Variants in RYR3 observed in about 807,000 individuals in gnomAD.
RYR3 encodes the protein brain ryanodine receptor-calcium release channel.
RYR3 carries 207 observed loss-of-function variants against 584.3 expected under a neutral mutation model. The observed-to-expected ratio is 0.35, with a 90% CI of 0.32 to 0.40. The LOEUF (loss-of-function observed/expected upper bound fraction) is 0.40. Ranked by LOEUF, RYR3 falls within the 10% of genes least tolerant of loss-of-function variation. RYR3 has a pLI of 1.00. For synonymous variants in RYR3, 2,416 were observed against 2,248.5 expected (o/e 1.07, Z -2.11); for missense variants, 5,616 against 6,089.2 (o/e 0.92, Z 2.59).
Position 33,859,577 on chromosome 15 carries a change from T to C in RYR3, c.14145T>C (p.Cys4715=), listed in dbSNP as rs781729201. ...TCCCCCTTATTTTTCTTCTCTAGTG[T>C]TACCTTTTCCACATGTACGTGGGAG... ...PDMKCDDMMT[C]YLFHMYVGVR... Residue 4715 remains cysteine, a splice_region_variant and synonymous_variant, in exon 100 of 104, where the codon TGT becomes TGC. Transcript: ENST00000634891. 6.2e-7 allele frequency: 1 copy of C among 1,613,982 alleles called. No homozygotes were observed. The highest frequency in any genetic ancestry group is 8.5e-7 in the Non-Finnish European group (1 of 1,179,884).
chr15:33,794,323 T>TAAAAATG (rs2075435479), intron 67 of RYR3, among the ~76,000 whole-genome samples: 19 of 85,546 alleles, frequency 2.2e-4, no homozygotes, highest in Non-Finnish European at 3.8e-4. Flanking sequence ...ATATATATAT[T>TAAAAATG]TTTATATATG....
At chr15:33,749,367 C>T (rs1324547432) in intron 55 of RYR3, among the ~76,000 whole-genome samples, 2 of 152,194 alleles carry the variant, frequency 1.3e-5, no homozygotes, top group African/African-American at 2.4e-5. Context: ...TGCTCCCCTC[C>T]TGTACACACT....
chr15:33,647,988 C>CAAAAAAAAA (rs3085194), intron 30 of RYR3, among the ~76,000 whole-genome samples: 7 of 98,332 alleles, frequency 7.1e-5, no homozygotes, highest in South Asian at 4.3e-4. Flanking sequence ...TAGCATCTGG[C>CAAAAAAAAA]AAAAAAAAAA....
At position 33,462,944 on chromosome 15, in the gene RYR3, G is replaced by C. The variant is rs140926965; in HGVS notation, c.52-10475G>C. The stretch of plus-strand genomic sequence containing the variant: ...ACCTGTAATCCTAGCACTTTGGGAG[G>C]CTGATTGCTTGAGCCCAGAAGTTTG... On this transcript the variant is annotated intron_variant, in intron 1 of 103. Coordinates refer to ENST00000634891, the MANE Select transcript of RYR3 (RefSeq NM_001036.6). Among the ~76,000 whole-genome samples, 5 of 152,186 alleles carry C rather than the reference G, an allele frequency of 3.3e-5. No homozygotes were observed. In the East Asian group the frequency reaches 7.7e-4, roughly 24 times the overall value.
intron 85 of RYR3, among the ~76,000 whole-genome samples, chr15:33,830,481 T>C (rs969757832): frequency 6.6e-6 from 1 of 152,370 alleles, no homozygotes; most frequent in African/African-American, 2.4e-5. Flanking sequence ...ATAACTTTGA[T>C]GTACGCTGAG....
chr15:33,339,888 C>A (rs372222399), intron 1 of RYR3, among the ~76,000 whole-genome samples: 120 of 135,420 alleles, frequency 8.9e-4, no homozygotes, highest in Admixed American at 1.0e-3. Flanking sequence ...GACTCCGTCT[C>A]AAAAAAAAAA....
chr15:33,446,277 T>C (rs141465968), intron 1 of RYR3, among the ~76,000 whole-genome samples: 158 of 152,360 alleles, frequency 1.0e-3, no homozygotes, highest in African/African-American at 3.5e-3. Context: ...TTAGGACAAC[T>C]GAGCTCTTCC....
At chr15:33,756,862 C>T (rs1940901203) in intron 59 of RYR3, among the ~76,000 whole-genome samples, 1 of 152,150 alleles carries the variant, frequency 6.6e-6, no homozygotes, top group South Asian at 2.1e-4. Context: ...CCTTGAATGC[C>T]AAGGAAAAGT....
At chr15:33,337,748 C>A (rs1278045491) in intron 1 of RYR3, among the ~76,000 whole-genome samples, 1 of 152,104 alleles carries the variant, frequency 6.6e-6, no homozygotes, top group African/African-American at 2.4e-5. Context: ...TGTGACCCAG[C>A]AATTCCTCCC....
chr15:33,840,512 G>C (rs4779651), intron 89 of RYR3: 198,259 of 345,270 alleles, frequency 0.57, 58,810 homozygotes, highest in African/African-American at 0.74. Flanking sequence ...TGTGTCCCAT[G>C]TCTTTCTGAC....
At chr15:33,840,286 G>C (rs899267157) in intron 89 of RYR3, among the ~76,000 whole-genome samples, 3 of 152,206 alleles carry the variant, frequency 2.0e-5, no homozygotes, top group Admixed American at 6.5e-5. Context: ...GGAAGTCTGC[G>C]TGTTTGGGTG....
Position 33,853,701 on chromosome 15 carries a change from T to G in RYR3, c.13799+19T>G, listed in dbSNP as rs746334301. 6 of 1,607,046 alleles carry G rather than the reference T, an allele frequency of 3.7e-6. No individual in the cohort carries two copies. Among genetic ancestry groups the G allele is most frequent in the East Asian group, 2.2e-5 (1 of 44,804 alleles). On this transcript the variant is annotated intron_variant, in intron 96 of 103. Coordinates refer to ENST00000634891, the MANE Select transcript of RYR3 (RefSeq NM_001036.6). The stretch of plus-strand genomic sequence containing the variant: ...TGTCATGGTACAAAAAGCTTAGGAG[T>G]TCAAATCCAAAGCAGCTAAAATAGA...
intron 2 of RYR3, among the ~76,000 whole-genome samples, chr15:33,478,288 A>G (rs2049614558): frequency 6.6e-6 from 1 of 152,136 alleles, no homozygotes; most frequent in Non-Finnish European, 1.5e-5. Context: ...CTGGATTTCC[A>G]ATCCCCAGAT....
rs115431466 is a variant in RYR3 at position 33,781,728 on chromosome 15, A to G, written c.9268+1387A>G. On this transcript the variant is annotated intron_variant, in intron 65 of 103. Coordinates refer to ENST00000634891, the MANE Select transcript of RYR3 (RefSeq NM_001036.6). ...AGTGGAGACTAGTGTTCTCAGAGGT[A>G]GTCAAGAGAAACATTGCCAAGATGC... is the stretch of plus-strand genomic sequence containing the variant. Among the ~76,000 whole-genome samples the G allele has an allele frequency of 9.5e-3, 1,445 of 152,138 alleles. 25 individuals carry two copies. The highest frequency in any genetic ancestry group is 0.033 in the African/African-American group (1,355 of 41,524).
At chr15:33,334,153 A>C (rs1383454211) in intron 1 of RYR3, among the ~76,000 whole-genome samples, 1 of 152,206 alleles carries the variant, frequency 6.6e-6, no homozygotes, top group Non-Finnish European at 1.5e-5. Context: ...ACTACCATTG[A>C]CATTCTTCAC....
intron 1 of RYR3, among the ~76,000 whole-genome samples, chr15:33,336,454 G>A (rs1377896800): frequency 0.026 from 745 of 28,444 alleles, 164 homozygotes; most frequent in African/African-American, 0.12. Context: ...GAGAGAGAGA[G>A]AGAGAGAGAG....
chr15:33,729,091 C>G, intron 47 of RYR3, 65 bp downstream of exon 47: 1 of 1,372,856 alleles, frequency 7.3e-7, no homozygotes, highest in Non-Finnish European at 1.0e-6. Context: ...TGTTGGACTT[C>G]GAAGCAAATA....
intron 64 of RYR3, among the ~76,000 whole-genome samples, chr15:33,778,358 C>A (rs2074156609): frequency 1.3e-5 from 2 of 152,246 alleles, no homozygotes; most frequent in Admixed American, 6.5e-5. Context: ...CACCATATTT[C>A]TCCTCATTGG....
At chr15:33,425,724 C>T (rs911477827) in intron 1 of RYR3, among the ~76,000 whole-genome samples, 18 of 146,604 alleles carry the variant, frequency 1.2e-4, no homozygotes, top group African/African-American at 4.6e-4. Context: ...TCACTGCAAG[C>T]TCCGCCTCCC....
Sources: gnomAD v4.1 joint callset for allele counts (sites outside exome capture counted in the v4.1 genomes callset) on GRCh38, gnomAD v4.1.1 for gene constraint, MANE v1.5 for transcripts, NCBI Gene and HGNC (gene_info 2026-07-23, HGNC 2026-07-21) for gene names.